Variants in CSMD1 observed in about 807,000 individuals in gnomAD.
CSMD1 encodes CUB and Sushi multiple domains 1, also known as CUB and sushi domain-containing protein 1.
A neutral mutation model predicts 417.5 loss-of-function variants in CSMD1; 213 were observed. The ratio of observed to expected loss-of-function variants is 0.51; its 90% CI spans 0.46 to 0.57. CSMD1 has a LOEUF of 0.57. Among genes scored for constraint, CSMD1 ranks in the 20% least tolerant of loss-of-function variants. The pLI is 0.00. For missense variants in CSMD1, 6,923 were observed against 4,529.7 expected (o/e 1.53, Z -15.17); for synonymous variants, 2,862 against 1,736.8 (o/e 1.65, Z -16.11).
intron 8 of CSMD1, among the ~76,000 whole-genome samples, chr8:3,589,054 G>T (rs888651706): frequency 1.3e-5 from 2 of 152,138 alleles, no homozygotes; most frequent in African/African-American, 4.8e-5. Context: ...TGTTAAGATG[G>T]CTATTATCAA....
chr8:3,001,020 C>G (rs550672653), intron 52 of CSMD1, among the ~76,000 whole-genome samples: 1 of 151,458 alleles, frequency 6.6e-6, no homozygotes, highest in South Asian at 2.1e-4. Context: ...TGCTCTGTCA[C>G]TCAAGCTGGA....
intron 12 of CSMD1, among the ~76,000 whole-genome samples, chr8:3,461,663 G>A (rs1185912832): frequency 1.3e-5 from 2 of 152,176 alleles, no homozygotes; most frequent in African/African-American, 2.4e-5. Flanking sequence ...CATGCCCAAG[G>A]CCTCACCAGT....
intron 10 of CSMD1, among the ~76,000 whole-genome samples, chr8:3,554,440 G>A (rs1434655851): frequency 6.6e-6 from 1 of 152,192 alleles, no homozygotes; most frequent in African/African-American, 2.4e-5. Flanking sequence ...GGAGCTGGGG[G>A]AGCAGAGAAC....
intron 1 of CSMD1, among the ~76,000 whole-genome samples, chr8:4,964,899 G>A (rs1164538564): frequency 1.3e-5 from 2 of 152,140 alleles, no homozygotes; most frequent in African/African-American, 4.8e-5. Flanking sequence ...CGGAGTTTGG[G>A]GAGCAGGATT....
At chr8:3,817,478 A>G (rs903251849) in intron 5 of CSMD1, among the ~76,000 whole-genome samples, 1 of 150,674 alleles carries the variant, frequency 6.6e-6, no homozygotes, top group Non-Finnish European at 1.5e-5. Flanking sequence ...ACGGGGTTTC[A>G]CCTCGTTAGC....
intron 1 of CSMD1, among the ~76,000 whole-genome samples, chr8:4,795,224 C>T (rs1797909760): frequency 2.2e-5 from 3 of 135,264 alleles, no homozygotes; most frequent in African/African-American, 2.7e-5. Context: ...GCAATCAGAA[C>T]ACATTTCTAG....
chr8:4,795,000 G>T (rs1282153846), intron 1 of CSMD1, among the ~76,000 whole-genome samples: 1 of 146,162 alleles, frequency 6.8e-6, no homozygotes, highest in Non-Finnish European at 1.5e-5. Context: ...GCCTTAGGAA[G>T]TTGGGTAGAA....
chr8:3,735,211 C>T (rs1317885018), intron 6 of CSMD1, among the ~76,000 whole-genome samples: 2 of 152,182 alleles, frequency 1.3e-5, no homozygotes, highest in Non-Finnish European at 2.9e-5. Context: ...TTGCCCCTGG[C>T]TCCTTAATGG....
intron 21 of CSMD1, among the ~76,000 whole-genome samples, chr8:3,357,960 G>A (rs1260342070): frequency 6.6e-6 from 1 of 152,100 alleles, no homozygotes; most frequent in Admixed American, 6.6e-5. Flanking sequence ...AATTCTGACT[G>A]TGTATCTCTG....
intron 7 of CSMD1, among the ~76,000 whole-genome samples, chr8:3,677,909 T>C (rs578089893): frequency 5.9e-5 from 9 of 152,270 alleles, no homozygotes; most frequent in African/African-American, 2.2e-4. Flanking sequence ...CTCCCACTAA[T>C]AGAGCTGTTT....
intron 23 of CSMD1, among the ~76,000 whole-genome samples, chr8:3,311,494 C>G (rs1460914243): frequency 1.3e-5 from 2 of 152,142 alleles, no homozygotes. Context: ...AAGTGATTTG[C>G]TTGCCTCGGT....
At chr8:4,356,421 C>G (rs935082729) in intron 3 of CSMD1, among the ~76,000 whole-genome samples, 4 of 152,104 alleles carry the variant, frequency 2.6e-5, no homozygotes, top group Non-Finnish European at 5.9e-5. Flanking sequence ...GTCAATTGTG[C>G]TACTATAAAC....
At chr8:3,747,284 G>C (rs936419395) in intron 6 of CSMD1, among the ~76,000 whole-genome samples, 2 of 152,172 alleles carry the variant, frequency 1.3e-5, no homozygotes, top group African/African-American at 4.8e-5. Flanking sequence ...CCATCCAGGA[G>C]GGATTCTCTA....
At chr8:4,387,274 C>A (rs144864020) in intron 3 of CSMD1, among the ~76,000 whole-genome samples, 2 of 152,004 alleles carry the variant, frequency 1.3e-5, no homozygotes, top group African/African-American at 4.8e-5. Flanking sequence ...TAGGAGCAGA[C>A]TTTTTAAATT....
Position 4,142,800 on chromosome 8 carries a change from T to G in CSMD1, c.416-110701A>C, listed in dbSNP as rs151262977. Among the ~76,000 whole-genome samples the G allele has an allele frequency of 4.3e-3, 647 of 151,212 alleles. 57 individuals carry two copies. Among genetic ancestry groups the G allele is most frequent in the African/African-American group, 0.015 (620 of 40,546 alleles). The stretch of plus-strand genomic sequence containing the variant: ...AACAGGCTTCAACAAAGTCTCGTAT[T>G]TATTTTTAAAAGCCTAACAGAGGAA... On this transcript the variant is annotated intron_variant, in intron 3 of 69. Transcript: ENST00000635120.
chr8:3,662,838 G>A (rs1293551899), intron 7 of CSMD1, among the ~76,000 whole-genome samples: 1 of 152,188 alleles, frequency 6.6e-6, no homozygotes, highest in East Asian at 1.9e-4. Context: ...GGGCCTGTCG[G>A]TGGGTAGGGG....
At chr8:4,687,116 C>G (rs1806440237) in intron 1 of CSMD1, among the ~76,000 whole-genome samples, 1 of 152,186 alleles carries the variant, frequency 6.6e-6, no homozygotes, top group Admixed American at 6.5e-5. Flanking sequence ...ATAAAAGCTG[C>G]CATAGCACAC....
chr8:4,325,244 G>A (rs928280553), intron 3 of CSMD1, among the ~76,000 whole-genome samples: 1 of 152,150 alleles, frequency 6.6e-6, no homozygotes, highest in Non-Finnish European at 1.5e-5. Context: ...AGGAATGTGC[G>A]ACTTTCAAGA....
At position 4,807,810 on chromosome 8, in the gene CSMD1, C is replaced by G. The variant is rs144496090; in HGVS notation, c.86-170252G>C. Among the ~76,000 whole-genome samples the G allele has an allele frequency of 7.2e-5, 11 of 152,068 alleles. No individual in the cohort carries two copies. In the East Asian group the frequency reaches 1.9e-3, roughly 27 times the overall value. On this transcript the variant is annotated intron_variant, in intron 1 of 69. Coordinates refer to ENST00000635120, the MANE Select transcript of CSMD1 (RefSeq NM_033225.6). ...ACATAGAATAATGGATCCATAGAAG[C>G]CAGCCATAATATTAATAATAATAGC...
Sources: gnomAD v4.1 joint callset for allele counts (sites outside exome capture counted in the v4.1 genomes callset) on GRCh38, gnomAD v4.1.1 for gene constraint, MANE v1.5 for transcripts, NCBI Gene and HGNC (gene_info 2026-07-23, HGNC 2026-07-21) for gene names.